Variants in TRAPPC6A observed in about 807,000 individuals in gnomAD.
TRAPPC6A encodes the protein trafficking protein particle complex subunit 6A, also known as TRAPP complex subunit 6A.
Under a neutral mutation model 20.8 loss-of-function variants are expected in TRAPPC6A, and 25 were observed. That is an observed-to-expected ratio of 1.20 (90% confidence interval 0.88 to 1.68). The LOEUF (loss-of-function observed/expected upper bound fraction) is 1.68, where lower values mean the gene tolerates loss of function less well. Ranked by LOEUF, TRAPPC6A falls within the 40% of genes most tolerant of loss-of-function variation. TRAPPC6A has a pLI of 0.00. For synonymous variants in TRAPPC6A, 96 were observed against 93.3 expected, an observed-to-expected ratio of 1.03 and a Z score of -0.16; for missense variants, 215 against 211.6, an observed-to-expected ratio of 1.02 and a Z score of -0.10.
In TRAPPC6A at chr19:45,162,944, C is replaced by A. The variant is rs972895677; in HGVS notation, c.*248G>T. On this transcript the variant is annotated 3_prime_UTR_variant, in exon 6 of 6. Coordinates refer to ENST00000585934, the MANE Select transcript of TRAPPC6A (RefSeq NM_001270891.2). The stretch of plus-strand genomic sequence containing the variant: ...TGCTCTGAGTCAGATTCCACACACA[C>A]AGCCTTTATTGAGCAGCTACTGGGC... 1.3e-5 allele frequency: 5 copies of A among 397,734 alleles called. No individual in the cohort carries two copies. The highest frequency in any genetic ancestry group is 8.2e-5 in the African/African-American group (4 of 48,656). 24.6% of individuals were successfully genotyped at this position (397,734 alleles called of 1,614,324 possible).
At position 45,164,914 on chromosome 19, in the gene TRAPPC6A, C is replaced by T; in HGVS notation, c.209G>A (p.Cys70Tyr). Residue 70 changes from cysteine (C) to tyrosine (Y), a missense_variant, in exon 3 of 6, where the codon TGC becomes TAC. Coordinates refer to ENST00000585934, the MANE Select transcript of TRAPPC6A (RefSeq NM_001270891.2). ...REELDVLKFLCKDLWVAVFQK... is the reference protein window; with the variant it reads ...REELDVLKFLYKDLWVAVFQK... Reference sequence around the variant, plus strand: ...GAACACCGCCACCCACAGGTCTTTGCACAAGAACTTGAGGACATCCAGCTC... The same window carrying T: ...GAACACCGCCACCCACAGGTCTTTGTACAAGAACTTGAGGACATCCAGCTC... 6.2e-7 allele frequency: 1 copy of T among 1,614,164 alleles called. No homozygotes were observed. The highest frequency in any genetic ancestry group is 2.2e-5 in the East Asian group (1 of 44,876).
At chr19:45,177,992 AAAG>A (rs1315033039) in intron 1 of TRAPPC6A, 140 bp downstream of exon 1, 2 of 1,462,268 alleles carry the variant, frequency 1.4e-6, no homozygotes, top group East Asian at 2.5e-5. Flanking sequence ...GCCACTTTCC[AAAG>A]GAGGAAGCCA....
At chr19:45,174,627 A>C (rs1422442344) in intron 1 of TRAPPC6A, among the ~76,000 whole-genome samples, 2 of 151,734 alleles carry the variant, frequency 1.3e-5, no homozygotes, top group Non-Finnish European at 2.9e-5. Context: ...CCAGGAGTTC[A>C]AGGTCAGCCT....
At position 45,163,638 on chromosome 19, in the gene TRAPPC6A, G is replaced by A. The variant is rs893388811; in HGVS notation, c.448+278C>T. Reference sequence around the variant, plus strand: ...GGCTGCAAGTTCCCTGGAGCCTGCCGTCGCCCCCATCGAAGGATCAGTGAG... The same window carrying A: ...GGCTGCAAGTTCCCTGGAGCCTGCCATCGCCCCCATCGAAGGATCAGTGAG... On this transcript the variant is annotated intron_variant, in intron 5 of 5. Coordinates refer to ENST00000585934, the MANE Select transcript of TRAPPC6A (RefSeq NM_001270891.2). The surrounding 1 kb of genome is among the most constrained non-coding windows in gnomAD (Gnocchi z 5.3). 6.6e-6 allele frequency among the ~76,000 whole-genome samples: 1 copy of A among 152,152 alleles called. No individual in the cohort carries two copies. Among genetic ancestry groups the A allele is most frequent in the East Asian group, 1.9e-4 (1 of 5,184 alleles).
chr19:45,173,109 G>A lies in TRAPPC6A; in HGVS notation c.84+5026C>T, dbSNP rs1463914285. On this transcript the variant is annotated intron_variant, in intron 1 of 5. Transcript: ENST00000585934. This position sits in a 1 kb window ranked among gnomAD's most constrained non-coding sequence, Gnocchi z 4.8. ...CCTCGGGCCTGGTCTCAGACAATGG[G>A]TGACAGCGCCTTAGCTCTTTACTAC... is the stretch of plus-strand genomic sequence containing the variant. 6.6e-6 allele frequency among the ~76,000 whole-genome samples: 1 copy of A among 151,674 alleles called. No individual in the cohort carries two copies. The highest frequency in any genetic ancestry group is 6.5e-5 in the Admixed American group (1 of 15,268).
chr19:45,175,839 C>T (rs1387556922), intron 1 of TRAPPC6A, among the ~76,000 whole-genome samples: 1 of 152,076 alleles, frequency 6.6e-6, no homozygotes, highest in African/African-American at 2.4e-5. Flanking sequence ...GACATTATTA[C>T]CCACCCCCAG....
At chr19:45,165,253 C>A (rs912190013) in intron 1 of TRAPPC6A, 59 bp from the exon 2 acceptor site, 35 of 1,522,300 alleles carry the variant, frequency 2.3e-5, no homozygotes, top group Middle Eastern at 1.7e-4. Flanking sequence ...CCGGGGCCAC[C>A]CAGGGGGGGA....
At chr19:45,177,214 C>A (rs1181954300) in intron 1 of TRAPPC6A, among the ~76,000 whole-genome samples, 1 of 142,486 alleles carries the variant, frequency 7.0e-6, no homozygotes, top group Admixed American at 7.1e-5. Flanking sequence ...CACACACACA[C>A]ACACAGTCCC....
At chr19:45,164,111 C>T in intron 4 of TRAPPC6A, 53 bp downstream of exon 4, 1 of 1,562,100 alleles carries the variant, frequency 6.4e-7, no homozygotes, top group Non-Finnish European at 8.7e-7. Context: ...TGGGATGGGG[C>T]TGGGTAAACA....
chr19:45,163,617 G>C lies in TRAPPC6A; in HGVS notation c.448+299C>G, dbSNP rs1969063630. The stretch of plus-strand genomic sequence containing the variant: ...CAGAGGACACCCAGTCAGGCAGGCT[G>C]CAAGTTCCCTGGAGCCTGCCGTCGC... On this transcript the variant is annotated intron_variant, in intron 5 of 5. Transcript: ENST00000585934. This position sits in a 1 kb window ranked among gnomAD's most constrained non-coding sequence, Gnocchi z 5.3. 6.6e-6 allele frequency among the ~76,000 whole-genome samples: 1 copy of C among 152,168 alleles called. No homozygotes were observed. Among genetic ancestry groups the C allele is most frequent in the Non-Finnish European group, 1.5e-5 (1 of 68,012 alleles).
intron 1 of TRAPPC6A, among the ~76,000 whole-genome samples, chr19:45,166,683 G>C (rs1269295430): frequency 6.6e-6 from 1 of 152,104 alleles, no homozygotes; most frequent in Non-Finnish European, 1.5e-5. Flanking sequence ...CAGGTGTGCA[G>C]CCCTGAGCTG....
chr19:45,172,410 G>A lies in TRAPPC6A; in HGVS notation c.84+5725C>T, dbSNP rs906149063. 2.6e-5 allele frequency among the ~76,000 whole-genome samples: 4 copies of A among 151,584 alleles called. No homozygotes were observed. Among genetic ancestry groups the A allele is most frequent in the African/African-American group, 4.9e-5 (2 of 40,914 alleles). The stretch of plus-strand genomic sequence containing the variant: ...GTCTCTTGTGTCTGCCCTACCCCTC[G>A]ATTGTTCTCTAGGCACCTGCTAGCT... On this transcript the variant is annotated intron_variant, in intron 1 of 5. Coordinates refer to ENST00000585934, the MANE Select transcript of TRAPPC6A (RefSeq NM_001270891.2). The surrounding 1 kb of genome is among the most constrained non-coding windows in gnomAD (Gnocchi z 4.2).
rs1417592728 is a variant in TRAPPC6A at position 45,173,250 on chromosome 19, C to T, written c.84+4885G>A. Among the ~76,000 whole-genome samples, 1 of 151,920 alleles carries T rather than the reference C, an allele frequency of 6.6e-6. No homozygotes were observed. Among genetic ancestry groups the T allele is most frequent in the East Asian group, 1.9e-4 (1 of 5,184 alleles). ...GCTTCTCCTCCTTAGAGAACAAAGG[C>T]CTTCCTGGCCCCTCTGGCCGGTCCT... On this transcript the variant is annotated intron_variant, in intron 1 of 5. Coordinates refer to ENST00000585934, the MANE Select transcript of TRAPPC6A (RefSeq NM_001270891.2). The surrounding 1 kb of genome is among the most constrained non-coding windows in gnomAD (Gnocchi z 4.8).
chr19:45,174,418 C>A (rs887094645), intron 1 of TRAPPC6A, among the ~76,000 whole-genome samples: 1 of 152,188 alleles, frequency 6.6e-6, no homozygotes, highest in Non-Finnish European at 1.5e-5. Context: ...GGACCCACTA[C>A]GAGCCAGGAC....
At position 45,164,203 on chromosome 19, in the gene TRAPPC6A, C is replaced by A. The variant is rs776341093; in HGVS notation, c.315G>T (p.Pro105=). The A allele has an allele frequency of 5.6e-6, 9 of 1,609,538 alleles. No individual in the cohort carries two copies. Among genetic ancestry groups the A allele is most frequent in the Non-Finnish European group, 6.8e-6 (8 of 1,177,946 alleles). ...LQDNSFPLLL[P]MASGLQYLEE... is the part of the protein sequence containing the mutation. ...CCAGATACTGCAGGCCAGAGGCCAT[C>A]GGGAGGAGGAGGGGGAAGCTGTTGT... The change falls in exon 4 of 6, where the codon CCG becomes CCT. Residue 105 remains proline (P), a synonymous_variant. Coordinates refer to ENST00000585934, the MANE Select transcript of TRAPPC6A (RefSeq NM_001270891.2).
intron 1 of TRAPPC6A, among the ~76,000 whole-genome samples, chr19:45,165,593 A>G (rs1192355762): frequency 6.6e-6 from 1 of 152,262 alleles, no homozygotes; most frequent in Non-Finnish European, 1.5e-5. Context: ...GACTCCACCA[A>G]GATGCTCCAG....
At chr19:45,175,991 G>T (rs1382783825) in intron 1 of TRAPPC6A, among the ~76,000 whole-genome samples, 1 of 152,074 alleles carries the variant, frequency 6.6e-6, no homozygotes, top group Non-Finnish European at 1.5e-5. Flanking sequence ...GGTTCACTGA[G>T]TAATCCCCAT....
At chr19:45,176,012 A>T (rs759186534) in intron 1 of TRAPPC6A, among the ~76,000 whole-genome samples, 5 of 152,004 alleles carry the variant, frequency 3.3e-5, no homozygotes, top group Non-Finnish European at 7.4e-5. Context: ...GTTTTTTTAG[A>T]GACAGGGTCT....
rs1173268708 is a variant in TRAPPC6A, at chr19:45,172,390, T to C, written c.84+5745A>G. Among the ~76,000 whole-genome samples, 1 of 151,580 alleles carries C rather than the reference T, an allele frequency of 6.6e-6. No homozygotes were observed. Among genetic ancestry groups the C allele is most frequent in the Non-Finnish European group, 1.5e-5 (1 of 68,008 alleles). ...CATGTGCTCCACCCCTTCCTGTCTC[T>C]TGTGTCTGCCCTACCCCTCGATTGT... is the stretch of plus-strand genomic sequence containing the variant. On this transcript the variant is annotated intron_variant, in intron 1 of 5. Coordinates refer to ENST00000585934, the MANE Select transcript of TRAPPC6A (RefSeq NM_001270891.2). This position sits in a 1 kb window ranked among gnomAD's most constrained non-coding sequence, Gnocchi z 4.2.
Sources: gnomAD v4.1 joint callset for allele counts (sites outside exome capture counted in the v4.1 genomes callset) on GRCh38, gnomAD v4.1.1 for gene constraint, Gnocchi (gnomAD v3.1) non-coding constraint, MANE v1.5 for transcripts, NCBI Gene and HGNC (gene_info 2026-07-23, HGNC 2026-07-21) for gene names.